The following MARCHF1 variants were observed in gnomAD, a reference collection of about 807,000 sequenced individuals.
MARCHF1 encodes the protein membrane associated ring-CH-type finger 1, also known as E3 ubiquitin-protein ligase MARCHF1.
A neutral mutation model predicts 54.2 loss-of-function variants in MARCHF1; 40 were observed. The ratio of observed to expected loss-of-function variants is 0.74; its 90% CI spans 0.57 to 0.96. The LOEUF (loss-of-function observed/expected upper bound fraction) is 0.96. Among genes scored for constraint, MARCHF1 ranks in the 40% least tolerant of loss-of-function variants. MARCHF1 has a pLI of 0.00. For synonymous variants in MARCHF1, 236 were observed against 236.3 expected (o/e 1.00, Z 0.01); for missense variants, 586 against 656.5 (o/e 0.89, Z 1.17).
intron 7 of MARCHF1, among the ~76,000 whole-genome samples, chr4:163,594,924 T>C (rs1740713507): frequency 1.3e-5 from 2 of 152,102 alleles, no homozygotes; most frequent in African/African-American, 2.4e-5. Flanking sequence ...AGAAATACCA[T>C]ATGAGCGAGC....
At chr4:163,702,390 C>A (rs1305141607) in intron 4 of MARCHF1, among the ~76,000 whole-genome samples, 1 of 152,110 alleles carries the variant, frequency 6.6e-6, no homozygotes, top group Non-Finnish European at 1.5e-5. Context: ...GATTTTGACA[C>A]ATTATTGTGT....
At chr4:164,376,783 C>T (rs1289403095) in intron 1 of MARCHF1, among the ~76,000 whole-genome samples, 6 of 152,158 alleles carry the variant, frequency 3.9e-5, no homozygotes, top group Non-Finnish European at 7.3e-5. Context: ...GAAAGATACT[C>T]AGCGCAAGCT....
intron 4 of MARCHF1, among the ~76,000 whole-genome samples, chr4:163,734,255 A>G (rs956883511): frequency 6.6e-6 from 1 of 152,164 alleles, no homozygotes; most frequent in Admixed American, 6.5e-5. Flanking sequence ...GCTACTTTGG[A>G]AAATAGTTTG....
chr4:163,708,102 C>A (rs80118161), intron 4 of MARCHF1, among the ~76,000 whole-genome samples: 1 of 151,434 alleles, frequency 6.6e-6, no homozygotes, highest in South Asian at 2.1e-4. Context: ...GCAATCCCCC[C>A]CTGTAGCAGC....
At chr4:163,734,417 A>G (rs1156501651) in intron 4 of MARCHF1, among the ~76,000 whole-genome samples, 1 of 152,086 alleles carries the variant, frequency 6.6e-6, no homozygotes, top group African/African-American at 2.4e-5. Flanking sequence ...AATACTGGGG[A>G]AAAAAACTAA....
At chr4:163,933,281 C>T in intron 3 of MARCHF1, 1 of 644,694 alleles carries the variant, frequency 1.6e-6, no homozygotes, top group South Asian at 1.4e-5. Flanking sequence ...ATCCTTCTTC[C>T]CTTCAAGAAA....
In MARCHF1 at chr4:164,030,517, ATTTAC is replaced by A. The variant is rs1439403284; in HGVS notation, c.-247-41813_-247-41809del. ...TTCATATGAACACTTTCTGTGAAAG[ATTTAC>A]TTTAACACAAAAGATTCACTGTAAC... On this transcript the variant is annotated intron_variant, in intron 2 of 9. Transcript: ENST00000514618. Among the ~76,000 whole-genome samples the A allele has an allele frequency of 1.2e-4, 18 of 152,318 alleles. No individual in the cohort carries two copies. The East Asian group carries it at 3.3e-3, about 28-fold the overall frequency.
rs1733492339 is a variant in MARCHF1, at chr4:164,262,374, C to T, written c.-323+121496G>A. 2.6e-5 allele frequency among the ~76,000 whole-genome samples: 4 copies of T among 152,078 alleles called. No individual in the cohort carries two copies. In the South Asian group the frequency reaches 8.3e-4, roughly 32 times the overall value. ...CTCACTTTGCATGTTTAAGCAAATG[C>T]ATTGTTTTTCCAGTTATACATCTAG... On this transcript the variant is annotated intron_variant, in intron 1 of 9. Coordinates refer to ENST00000514618, the MANE Select transcript of MARCHF1 (RefSeq NM_001394959.1).
intron 1 of MARCHF1, among the ~76,000 whole-genome samples, chr4:164,249,327 A>G (rs1733055118): frequency 6.6e-6 from 1 of 152,146 alleles, no homozygotes; most frequent in Non-Finnish European, 1.5e-5. Flanking sequence ...CCTTCAAAAT[A>G]TAGGTTTGAT....
At chr4:164,113,499 A>G (rs13137675) in intron 1 of MARCHF1, among the ~76,000 whole-genome samples, 6,921 of 152,128 alleles carry the variant, frequency 0.045, 217 homozygotes, top group Middle Eastern at 0.14. Flanking sequence ...AGAGGAAAGA[A>G]AGATGCATAT....
chr4:164,301,945 A>C (rs1734571367), intron 1 of MARCHF1, among the ~76,000 whole-genome samples: 1 of 152,176 alleles, frequency 6.6e-6, no homozygotes, highest in Non-Finnish European at 1.5e-5. Flanking sequence ...AAGACAAATG[A>C]TTGGCTAGGA....
intron 1 of MARCHF1, among the ~76,000 whole-genome samples, chr4:164,200,439 G>A (rs1018636804): frequency 2.0e-5 from 3 of 152,022 alleles, no homozygotes; most frequent in Non-Finnish European, 4.4e-5. Flanking sequence ...AAATATAACT[G>A]GTACCTGTTT....
chr4:163,969,137 G>T (rs1411160484), intron 3 of MARCHF1, among the ~76,000 whole-genome samples: 1 of 152,100 alleles, frequency 6.6e-6, no homozygotes, highest in Non-Finnish European at 1.5e-5. Context: ...AGGCAGAAAG[G>T]CATTTCTATG....
intron 3 of MARCHF1, among the ~76,000 whole-genome samples, chr4:163,986,618 T>C (rs1354032804): frequency 6.6e-6 from 1 of 152,102 alleles, no homozygotes; most frequent in African/African-American, 2.4e-5. Context: ...CACATTAGAG[T>C]GTTTTTTGAC....
intron 1 of MARCHF1, among the ~76,000 whole-genome samples, chr4:164,327,934 A>G (rs1271829329): frequency 6.6e-6 from 1 of 152,210 alleles, no homozygotes; most frequent in Non-Finnish European, 1.5e-5. Flanking sequence ...TCTGTGGGAC[A>G]TCCAAGAAAC....
intron 2 of MARCHF1, among the ~76,000 whole-genome samples, chr4:164,004,914 T>A (rs1753256645): frequency 6.6e-6 from 1 of 151,902 alleles, no homozygotes; most frequent in Non-Finnish European, 1.5e-5. Flanking sequence ...AGTGATGATA[T>A]AATATTTACT....
intron 8 of MARCHF1, among the ~76,000 whole-genome samples, chr4:163,582,033 A>C (rs780153069): frequency 1.3e-5 from 2 of 152,210 alleles, no homozygotes; most frequent in Non-Finnish European, 2.9e-5. Flanking sequence ...AGTATTTGCT[A>C]TCCTCATAAA....
intron 4 of MARCHF1, among the ~76,000 whole-genome samples, chr4:163,850,827 G>A (rs191701722): frequency 1.6e-3 from 244 of 152,296 alleles, no homozygotes; most frequent in African/African-American, 5.7e-3. Context: ...GGCTACGTTT[G>A]GCAGGGTATT....
Position 164,211,357 on chromosome 4 carries a change from C to CTATATAT in MARCHF1, c.-322-99696_-322-99695insATATATA, listed in dbSNP as rs1560956008. On this transcript the variant is annotated intron_variant, in intron 1 of 9. Transcript: ENST00000514618. ...TATATATATATATATATATATATAC[C>CTATATAT]ACATTGCAACCTGCATATTTGTATA... Among the ~76,000 whole-genome samples the CTATATAT allele has an allele frequency of 8.5e-3, 848 of 100,122 alleles. 5 individuals carry two copies. The highest frequency in any genetic ancestry group is 0.013 in the Non-Finnish European group (516 of 40,186). The allele number at this position is 100,122 out of a possible 152,430, so 65.7% of individuals were successfully genotyped here.
Sources: allele counts gnomAD v4.1 joint callset (sites outside exome capture counted in the v4.1 genomes callset), GRCh38; gene constraint gnomAD v4.1.1; transcripts MANE v1.5; gene names NCBI Gene and HGNC (gene_info 2026-07-23, HGNC 2026-07-21).